The following EDEM3 variants were observed in gnomAD, a reference collection of about 807,000 sequenced individuals.
EDEM3 encodes ER degradation enhancing alpha-mannosidase like protein 3.
Under a neutral mutation model 110.2 loss-of-function variants are expected in EDEM3, and 60 were observed. That is an observed-to-expected ratio of 0.54 (90% CI 0.44 to 0.67). The LOEUF (loss-of-function observed/expected upper bound fraction) is 0.67, where lower values mean the gene tolerates loss of function less well. EDEM3 is among the 30% of genes least tolerant of loss of function. EDEM3 has a pLI of 0.00. For synonymous variants in EDEM3, 352 were observed against 382.9 expected, an observed-to-expected ratio of 0.92 and a Z score of 0.94; for missense variants, 996 against 1,121.0, an observed-to-expected ratio of 0.89 and a Z score of 1.59.
intron 13 of EDEM3, among the ~76,000 whole-genome samples, chr1:184,712,969 G>A (rs1005922541): frequency 3.3e-5 from 5 of 152,146 alleles, no homozygotes; most frequent in African/African-American, 1.2e-4. Flanking sequence ...TTAAATTAGA[G>A]AGCTGGAAAA....
At chr1:184,716,475 TAC>T (rs1329530169) in intron 13 of EDEM3, among the ~76,000 whole-genome samples, 1 of 152,132 alleles carries the variant, frequency 6.6e-6, no homozygotes, top group Non-Finnish European at 1.5e-5. Flanking sequence ...ACGGTGTAAG[TAC>T]ACACAGCTTT....
At chr1:184,750,703 G>A (rs1652714302) in intron 1 of EDEM3, among the ~76,000 whole-genome samples, 1 of 151,894 alleles carries the variant, frequency 6.6e-6, no homozygotes, top group African/African-American at 2.4e-5. Context: ...AGTAGAGACA[G>A]GGTTTTACCA....
At chr1:184,750,913 C>T (rs1191498034) in intron 1 of EDEM3, among the ~76,000 whole-genome samples, 1 of 152,076 alleles carries the variant, frequency 6.6e-6, no homozygotes, top group African/African-American at 2.4e-5. Flanking sequence ...TCCTGTTATA[C>T]TGCAATTGTC....
At position 184,712,296 on chromosome 1, in the gene EDEM3, A is replaced by C. The variant is rs531905853; in HGVS notation, c.1536+137T>G. On this transcript the variant is annotated intron_variant, in intron 14 of 19. Transcript: ENST00000318130. ...GTGTATACAGGATGCAATAAAAGAA[A>C]AAAAATAGGAAAATGTATATATTTA... 7 of 825,340 alleles carry C rather than the reference A, an allele frequency of 8.5e-6. No homozygotes were observed. The South Asian group carries it at 1.5e-4, about 18-fold the overall frequency. The allele number at this position is 825,340 out of a possible 1,614,324, so 51.1% of individuals were successfully genotyped here.
In EDEM3 at chr1:184,726,262, A is replaced by G. The variant is rs769274417; in HGVS notation, c.740T>C (p.Ile247Thr). 6.2e-7 allele frequency: 1 copy of G among 1,613,328 alleles called. No individual in the cohort carries two copies. Among genetic ancestry groups the G allele is most frequent in the Non-Finnish European group, 8.5e-7 (1 of 1,179,518 alleles). ...AALSRFTGAT[I>T]FEEYARKALD... Reference sequence around the variant, plus strand: ...AGACCGTAAAAAGCAAACCTCAAATATTGTTGCTCCTGTGAATCGACTTAA... The same window carrying G: ...AGACCGTAAAAAGCAAACCTCAAATGTTGTTGCTCCTGTGAATCGACTTAA... Residue 247 changes from isoleucine (I) to threonine (T), a missense_variant, in exon 7 of 20, where the codon ATA (isoleucine) becomes ACA (threonine). Transcript: ENST00000318130.
At chr1:184,721,413 ATTAAATTTTTTTAAAACCG>A (rs1418308839) in intron 8 of EDEM3, 27 bp from the exon 9 acceptor site, 6 of 1,555,450 alleles carry the variant, frequency 3.9e-6, no homozygotes, top group Admixed American at 2.2e-5. Flanking sequence ...GTGATTTTTC[ATTAAATTTTTTTAAAACCG>A]TTAAATTTTT....
intron 17 of EDEM3, among the ~76,000 whole-genome samples, chr1:184,707,615 T>C (rs1415511780): frequency 6.6e-6 from 1 of 152,218 alleles, no homozygotes; most frequent in Non-Finnish European, 1.5e-5. Context: ...GTCCCAGCTC[T>C]GCAATCAATT....
chr1:184,717,641 CA>C lies in EDEM3; in HGVS notation c.1162-19del. The C allele has an allele frequency of 6.4e-7, 1 of 1,573,728 alleles. No homozygotes were observed. The highest frequency in any genetic ancestry group is 8.6e-7 in the Non-Finnish European group (1 of 1,163,148). On this transcript the variant is annotated intron_variant, in intron 11 of 19. Coordinates refer to ENST00000318130, the MANE Select transcript of EDEM3 (RefSeq NM_025191.4). ...GTAAATGCCTGAACAAAACAACATACAAAAGGCATAAAAAATGTGATTAAAT... is the reference window on the plus strand; with the variant it reads ...GTAAATGCCTGAACAAAACAACATACAAAGGCATAAAAAATGTGATTAAAT...
intron 11 of EDEM3, 75 bp downstream of exon 11, chr1:184,719,087 A>G: frequency 1.3e-6 from 1 of 759,436 alleles, no homozygotes; most frequent in Non-Finnish European, 2.0e-6. Flanking sequence ...TTAGCAACTT[A>G]TAGTGTATAT....
intron 13 of EDEM3, among the ~76,000 whole-genome samples, chr1:184,715,626 T>C (rs1011783644): frequency 7.9e-5 from 12 of 152,190 alleles, no homozygotes; most frequent in African/African-American, 2.9e-4. Flanking sequence ...CTTAGGCAAG[T>C]TCCCTAACTT....
Position 184,716,906 on chromosome 1 carries a change from G to C in EDEM3, c.1352C>G (p.Thr451Ser), listed in dbSNP as rs916992018. 2.5e-6 allele frequency: 4 copies of C among 1,613,292 alleles called. No individual in the cohort carries two copies. The highest frequency in any genetic ancestry group is 3.3e-5 in the Admixed American group (2 of 60,002). The change falls in exon 13 of 20, where the codon ACT becomes AGT. Residue 451 changes from threonine (T) to serine (S), a missense_variant. Thr to Ser is a moderately conservative substitution (Grantham distance 58). This residue lies in a region of EDEM3 where 310 missense variants were observed against 394.6 expected (regional missense o/e 0.79). Transcript: ENST00000318130. ...CGFAAMKDVR[T>S]GSHEDRMDSF... ...GTTTTACCTGTCCTCATGACTTCCA[G>C]TACGAACATCCTTCATGGCAGCAAA...
chr1:184,698,325 A>G (rs1373969964), intron 19 of EDEM3, among the ~76,000 whole-genome samples: 1 of 151,886 alleles, frequency 6.6e-6, no homozygotes, highest in Non-Finnish European at 1.5e-5. Flanking sequence ...ATGTACGAGA[A>G]TGTTACCTAC....
In EDEM3 at chr1:184,711,820, G is replaced by C. The variant is rs1020376693; in HGVS notation, c.1594C>G (p.Gln532Glu). The stretch of plus-strand genomic sequence containing the variant: ...AATGGGTCATTAGGAAAGAGGATCT[G>C]AGTATTTGGACAAGTCCAATCGAAG... ...SNFDWTCPNT[Q>E]ILFPNDPLYA... Residue 532 changes from glutamine to glutamate, a missense_variant, in exon 15 of 20, where the codon CAG (glutamine) becomes GAG (glutamate). Around this residue, in one of 5 missense-constraint regions of EDEM3, gnomAD observed 138 missense variants for 124.3 expected, o/e 1.11. Transcript: ENST00000318130. The C allele has an allele frequency of 5.0e-6, 8 of 1,613,350 alleles. No individual in the cohort carries two copies. The highest frequency in any genetic ancestry group is 6.8e-6 in the Non-Finnish European group (8 of 1,179,618).
chr1:184,726,193 G>A (rs1651180581), intron 7 of EDEM3, 62 bp downstream of exon 7: 3 of 1,541,674 alleles, frequency 1.9e-6, no homozygotes, highest in Admixed American at 3.9e-5. Flanking sequence ...TTTAACCAAT[G>A]AAGAAGATAT....
intron 5 of EDEM3, among the ~76,000 whole-genome samples, chr1:184,734,215 TC>T (rs71101941): frequency 0.3 from 46,320 of 152,106 alleles, 8,564 homozygotes; most frequent in East Asian, 0.54. Flanking sequence ...ACGCCTGTAA[TC>T]CCAGCATTCT....
rs369160536 is a variant in EDEM3, at chr1:184,693,023, A to G, written c.*1040T>C. The G allele has an allele frequency of 9.0e-5, 14 of 154,906 alleles. No individual in the cohort carries two copies. In the East Asian group the frequency reaches 1.2e-3, roughly 13 times the overall value. 9.6% of individuals were successfully genotyped at this position (154,906 alleles called of 1,614,324 possible). A position where few individuals can be genotyped will look rare whatever the true frequency, so the allele number is the denominator to read the frequency against. ...GGAGAAAAACAGTAGTTACTCCAGG[A>G]ATTTTAACTCACTAACCACAGTTCT... On this transcript the variant is annotated 3_prime_UTR_variant, in exon 20 of 20. Coordinates refer to ENST00000318130, the MANE Select transcript of EDEM3 (RefSeq NM_025191.4).
chr1:184,736,954 T>C, intron 4 of EDEM3, 71 bp downstream of exon 4: 1 of 1,249,492 alleles, frequency 8.0e-7, no homozygotes, highest in East Asian at 2.3e-5. Flanking sequence ...ACTTACTGTG[T>C]TATGATCATA....
At chr1:184,708,028 A>G in intron 17 of EDEM3, 125 bp downstream of exon 17, 1 of 862,056 alleles carries the variant, frequency 1.2e-6, no homozygotes, top group Non-Finnish European at 1.7e-6. Flanking sequence ...ACTTAAATCC[A>G]GGAGATTGAC....
In EDEM3 at chr1:184,690,267, T is replaced by C. The variant is rs1649005626; in HGVS notation, c.*3796A>G. ...ACACAATTCTAGAGTTTTATTCACTTAGCATTACCTTTGTGCATGCTACTG... is the reference window on the plus strand; with the variant it reads ...ACACAATTCTAGAGTTTTATTCACTCAGCATTACCTTTGTGCATGCTACTG... On this transcript the variant is annotated 3_prime_UTR_variant, in exon 20 of 20. Coordinates refer to ENST00000318130, the MANE Select transcript of EDEM3 (RefSeq NM_025191.4). 6.6e-6 allele frequency: 1 copy of C among 152,288 alleles called. No individual in the cohort carries two copies. The highest frequency in any genetic ancestry group is 1.5e-5 in the Non-Finnish European group (1 of 68,034). 9.4% of individuals were successfully genotyped at this position (152,288 alleles called of 1,614,324 possible).
Sources: gnomAD v4.1 joint callset for allele counts (sites outside exome capture counted in the v4.1 genomes callset) on GRCh38, gnomAD v4.1.1 for gene constraint, gnomAD v4.1.1 regional missense constraint, MANE v1.5 for transcripts, NCBI Gene and HGNC (gene_info 2026-07-23, HGNC 2026-07-21) for gene names.